Variants in GRIA4 observed in about 807,000 individuals in gnomAD.
The protein encoded by GRIA4 is glutamate receptor 4.
In GRIA4, 34 loss-of-function variants were observed where a neutral mutation model predicts 104.0. That is an observed-to-expected ratio of 0.33 (90% CI 0.25 to 0.44). The LOEUF is 0.44. Ranked by LOEUF, GRIA4 falls within the 20% of genes least tolerant of loss-of-function variation. GRIA4 has a pLI of 1.00. For synonymous variants in GRIA4, 386 were observed against 381.9 expected (o/e 1.01, Z -0.13); for missense variants, 750 against 1,096.5 (o/e 0.68, Z 4.46).
chr11:105,692,752 T>A (rs888059426), intron 3 of GRIA4, among the ~76,000 whole-genome samples: 3 of 152,222 alleles, frequency 2.0e-5, no homozygotes, highest in African/African-American at 7.2e-5. Flanking sequence ...AGTGATCTCA[T>A]CTGTAACACA....
At chr11:105,715,332 T>C (rs1420577948) in intron 3 of GRIA4, among the ~76,000 whole-genome samples, 1 of 152,176 alleles carries the variant, frequency 6.6e-6, no homozygotes, top group Non-Finnish European at 1.5e-5. Context: ...TGAAACATCT[T>C]TTAGAATTTA....
Position 105,833,562 on chromosome 11 carries a change from G to T in GRIA4, c.488-28462G>T, listed in dbSNP as rs79740289. Among the ~76,000 whole-genome samples, 358 of 151,970 alleles carry T rather than the reference G, an allele frequency of 2.4e-3. 3 individuals are homozygous for T. Among genetic ancestry groups the T allele is most frequent in the African/African-American group, 8.1e-3 (338 of 41,500 alleles). On this transcript the variant is annotated intron_variant, in intron 4 of 16. Transcript: ENST00000282499. Reference sequence around the variant, plus strand: ...ATAAGTATTCTACCTGAATTTATTAGAAGTAAAGGAAACTGGAACAAAGGG... The same window carrying T: ...ATAAGTATTCTACCTGAATTTATTATAAGTAAAGGAAACTGGAACAAAGGG...
Position 105,758,942 on chromosome 11 carries a change from G to T in GRIA4, c.487+5722G>T, listed in dbSNP as rs961664247. The stretch of plus-strand genomic sequence containing the variant: ...TATAGCACAGATGTTGTCAGTAGAG[G>T]ACAGTCATAATAATGCAATGTTAAG... On this transcript the variant is annotated intron_variant, in intron 4 of 16. Coordinates refer to ENST00000282499, the MANE Select transcript of GRIA4 (RefSeq NM_000829.4). 2.6e-5 allele frequency among the ~76,000 whole-genome samples: 4 copies of T among 152,076 alleles called. No homozygotes were observed. In the South Asian group the frequency reaches 8.3e-4, roughly 32 times the overall value.
chr11:105,921,638 A>G (rs1430061241), intron 11 of GRIA4, among the ~76,000 whole-genome samples: 1 of 152,130 alleles, frequency 6.6e-6, no homozygotes, highest in African/African-American at 2.4e-5. Context: ...TTTTCTCTTC[A>G]GAAAACACCT....
intron 11 of GRIA4, among the ~76,000 whole-genome samples, chr11:105,923,473 A>G (rs1358053839): frequency 6.6e-6 from 1 of 152,124 alleles, no homozygotes; most frequent in East Asian, 1.9e-4. Context: ...GATTCTTATG[A>G]GGAGTAAAAG....
rs148599842 is a variant in GRIA4, at chr11:105,635,145, A to G, written c.247+22711A>G. The stretch of plus-strand genomic sequence containing the variant: ...TTGCAATAAAATATAGTAGTCTTAT[A>G]TTTAAATATTCTCCTCTAAAATAAT... On this transcript the variant is annotated intron_variant, in intron 3 of 16. Coordinates refer to ENST00000282499, the MANE Select transcript of GRIA4 (RefSeq NM_000829.4). Among the ~76,000 whole-genome samples the G allele has an allele frequency of 4.8e-3, 724 of 152,304 alleles. 6 individuals carry two copies. In the Middle Eastern group the frequency reaches 0.054, roughly 11 times the overall value.
chr11:105,722,949 T>C (rs559275246), intron 3 of GRIA4, among the ~76,000 whole-genome samples: 24 of 152,252 alleles, frequency 1.6e-4, no homozygotes, highest in Admixed American at 1.3e-3. Context: ...TAAGTGAATA[T>C]TTTTTCTTTT....
chr11:105,850,499 T>A (rs1484958147), intron 4 of GRIA4, among the ~76,000 whole-genome samples: 1 of 152,204 alleles, frequency 6.6e-6, no homozygotes, highest in Non-Finnish European at 1.5e-5. Context: ...GCTTTTTGAC[T>A]AAAGTCAACC....
At chr11:105,936,539 AC>A (rs1279938780) in intron 14 of GRIA4, among the ~76,000 whole-genome samples, 3 of 152,192 alleles carry the variant, frequency 2.0e-5, no homozygotes, top group Non-Finnish European at 4.4e-5. Flanking sequence ...GCAAAAGAAA[AC>A]AGTAATCTGT....
At chr11:105,713,273 C>T (rs933497612) in intron 3 of GRIA4, among the ~76,000 whole-genome samples, 3 of 151,762 alleles carry the variant, frequency 2.0e-5, no homozygotes, top group South Asian at 2.1e-4. Context: ...ATCCCAGCTA[C>T]GTAGGACGCT....
At chr11:105,952,234 C>T (rs1170344913) in intron 14 of GRIA4, among the ~76,000 whole-genome samples, 1 of 152,086 alleles carries the variant, frequency 6.6e-6, no homozygotes, top group Non-Finnish European at 1.5e-5. Flanking sequence ...AGTTGCCCTT[C>T]CAAGGTCTGT....
At chr11:105,838,263 CTT>C (rs1944266715) in intron 4 of GRIA4, among the ~76,000 whole-genome samples, 1 of 152,114 alleles carries the variant, frequency 6.6e-6, no homozygotes, top group African/African-American at 2.4e-5. Flanking sequence ...TAACATCAGT[CTT>C]TTTCTACACA....
At chr11:105,696,157 C>T (rs1278399426) in intron 3 of GRIA4, among the ~76,000 whole-genome samples, 1 of 152,150 alleles carries the variant, frequency 6.6e-6, no homozygotes, top group Non-Finnish European at 1.5e-5. Context: ...TCCTTGGGTT[C>T]AGTACACTCA....
chr11:105,688,132 CTATA>C (rs1029836531), intron 3 of GRIA4, among the ~76,000 whole-genome samples: 53 of 78,022 alleles, frequency 6.8e-4, no homozygotes, highest in African/African-American at 2.0e-3. Flanking sequence ...ATATCTATAT[CTATA>C]TCTATATCTA....
intron 3 of GRIA4, among the ~76,000 whole-genome samples, chr11:105,663,690 A>G (rs1407435845): frequency 1.3e-5 from 2 of 151,914 alleles, no homozygotes; most frequent in Non-Finnish European, 2.9e-5. Context: ...TTAGAAGAAC[A>G]TAGAGAAATA....
chr11:105,819,065 G>C (rs1943485385), intron 4 of GRIA4, among the ~76,000 whole-genome samples: 1 of 152,194 alleles, frequency 6.6e-6, no homozygotes, highest in African/African-American at 2.4e-5. Flanking sequence ...CAGCCATTTG[G>C]GTTTGGACAC....
chr11:105,954,245 G>A (rs1177303106), intron 14 of GRIA4, among the ~76,000 whole-genome samples: 1 of 151,838 alleles, frequency 6.6e-6, no homozygotes, highest in Non-Finnish European at 1.5e-5. Flanking sequence ...CACATAATGA[G>A]GAACAATAAA....
intron 3 of GRIA4, among the ~76,000 whole-genome samples, chr11:105,674,006 T>C (rs951998878): frequency 6.6e-6 from 1 of 152,054 alleles, no homozygotes; most frequent in Non-Finnish European, 1.5e-5. Context: ...AAAAGAGTTC[T>C]TAACAATTAT....
intron 3 of GRIA4, among the ~76,000 whole-genome samples, chr11:105,627,793 A>G (rs1175368568): frequency 6.6e-6 from 1 of 152,216 alleles, no homozygotes; most frequent in African/African-American, 2.4e-5. Context: ...AGCACCTTCT[A>G]TAATATGCAT....
Sources: gnomAD v4.1 joint callset for allele counts (sites outside exome capture counted in the v4.1 genomes callset) on GRCh38, gnomAD v4.1.1 for gene constraint, MANE v1.5 for transcripts, NCBI Gene and HGNC (gene_info 2026-07-23, HGNC 2026-07-21) for gene names.